The following TRPM3 variants were observed in gnomAD, a reference collection of about 807,000 sequenced individuals.
The protein encoded by TRPM3 is transient receptor potential cation channel subfamily M member 3, also known as long transient receptor potential channel 3.
A neutral mutation model predicts 181.2 loss-of-function variants in TRPM3; 77 were observed. That is an observed-to-expected ratio of 0.42 (90% CI 0.35 to 0.51). The LOEUF is 0.51. Ranked by LOEUF, TRPM3 falls within the 20% of genes least tolerant of loss-of-function variation. TRPM3 has a pLI of 0.01. For synonymous variants in TRPM3, 745 were observed against 796.4 expected, an observed-to-expected ratio of 0.94 and a Z score of 1.09; for missense variants, 1,759 against 2,196.7, an observed-to-expected ratio of 0.80 and a Z score of 3.98.
At chr9:70,590,506 T>C (rs934336835) in intron 22 of TRPM3, among the ~76,000 whole-genome samples, 1 of 152,236 alleles carries the variant, frequency 6.6e-6, no homozygotes, top group Non-Finnish European at 1.5e-5. Flanking sequence ...CAATAGCACA[T>C]AATTTAAGAC....
At chr9:71,329,865 T>G (rs562197869) in intron 1 of TRPM3, among the ~76,000 whole-genome samples, 1 of 152,262 alleles carries the variant, frequency 6.6e-6, no homozygotes, top group South Asian at 2.1e-4. Flanking sequence ...TGTGAGAGCA[T>G]CCAATAACTC....
chr9:71,252,324 A>G (rs2082396542), intron 1 of TRPM3, among the ~76,000 whole-genome samples: 1 of 152,150 alleles, frequency 6.6e-6, no homozygotes, highest in African/African-American at 2.4e-5. Context: ...AGGGTAACAC[A>G]GTGGTTTTTC....
At chr9:71,108,919 G>C (rs1299033205) in intron 1 of TRPM3, among the ~76,000 whole-genome samples, 7 of 152,168 alleles carry the variant, frequency 4.6e-5, no homozygotes, top group Non-Finnish European at 1.0e-4. Context: ...GTTTCTATGA[G>C]GGTATTTTTG....
At chr9:70,886,369 G>A (rs2096082577) in intron 1 of TRPM3, among the ~76,000 whole-genome samples, 1 of 152,168 alleles carries the variant, frequency 6.6e-6, no homozygotes, top group South Asian at 2.1e-4. Context: ...TTTAGGAGAT[G>A]CTCTATTATT....
intron 21 of TRPM3, among the ~76,000 whole-genome samples, chr9:70,592,096 C>T (rs1360307581): frequency 6.6e-6 from 1 of 152,160 alleles, no homozygotes; most frequent in Non-Finnish European, 1.5e-5. Context: ...AATTATTTTC[C>T]TTTTATCACT....
chr9:70,787,763 C>CTTTTTTTTTTTTTTTTTTTTTTTGATTT (rs2084154820), intron 6 of TRPM3, among the ~76,000 whole-genome samples: 4 of 68,558 alleles, frequency 5.8e-5, no homozygotes, highest in Non-Finnish European at 7.9e-5. Context: ...TTTTTGGATT[C>CTTTTTTTTTTTTTTTTTTTTTTTGATTT]TTTTTTTTTT....
intron 8 of TRPM3, among the ~76,000 whole-genome samples, chr9:70,693,513 A>T (rs2069203036): frequency 6.6e-6 from 1 of 152,158 alleles, no homozygotes; most frequent in Non-Finnish European, 1.5e-5. Context: ...TCATCATTAC[A>T]AGATGGAACT....
At chr9:70,778,663 C>G (rs2081925970) in intron 7 of TRPM3, among the ~76,000 whole-genome samples, 1 of 152,124 alleles carries the variant, frequency 6.6e-6, no homozygotes, top group African/African-American at 2.4e-5. Flanking sequence ...ATGAAGCCAG[C>G]ATGCTTGATA....
chr9:70,891,117 A>G (rs1450648729), intron 1 of TRPM3, among the ~76,000 whole-genome samples: 1 of 152,190 alleles, frequency 6.6e-6, no homozygotes, highest in African/African-American at 2.4e-5. Flanking sequence ...ACATGTATAC[A>G]TATGTAACAA....
chr9:70,639,835 C>T (rs1456879943), intron 10 of TRPM3, among the ~76,000 whole-genome samples: 1 of 152,162 alleles, frequency 6.6e-6, no homozygotes, highest in East Asian at 1.9e-4. Flanking sequence ...TAGCAATCCA[C>T]CAGCACTGAA....
intron 1 of TRPM3, among the ~76,000 whole-genome samples, chr9:71,105,627 G>C (rs1189202166): frequency 6.6e-6 from 1 of 152,148 alleles, no homozygotes; most frequent in Non-Finnish European, 1.5e-5. Flanking sequence ...TGGGGTGTAA[G>C]GGCCAGATAG....
chr9:71,388,425 A>G (rs1394260204), intron 1 of TRPM3, among the ~76,000 whole-genome samples: 5 of 152,192 alleles, frequency 3.3e-5, no homozygotes, highest in Admixed American at 6.5e-5. Context: ...CATTCCCCAC[A>G]AAACTTCTGA....
At position 70,532,199 on chromosome 9, in the gene TRPM3, A is replaced by G. The variant is rs1208258746; in HGVS notation, c.*3754T>C. ...ATCTTTAAAGAAATTAAACAGCCCA[A>G]ACATTCAGGAAGATTAGACTGTACA... On this transcript the variant is annotated 3_prime_UTR_variant, in exon 26 of 26. Coordinates refer to ENST00000677713, the MANE Select transcript of TRPM3 (RefSeq NM_001366145.2). The G allele has an allele frequency of 2.6e-5, 4 of 152,226 alleles. No homozygotes were observed. The highest frequency in any genetic ancestry group is 9.6e-5 in the African/African-American group (4 of 41,468). 9.4% of individuals were successfully genotyped at this position (152,226 alleles called of 1,614,324 possible).
At position 70,625,449 on chromosome 9, in the gene TRPM3, T is replaced by C. The variant is rs1188040099; in HGVS notation, c.1668+33A>G. On this transcript the variant is annotated intron_variant, in intron 13 of 25. Transcript: ENST00000677713. The surrounding 1 kb of genome is among the most constrained non-coding windows in gnomAD (Gnocchi z 4.8). ...AAAAAATAATGAAAAAAGAAACATA[T>C]GAATGTATTATTATGCTGGTTAATT... is the stretch of plus-strand genomic sequence containing the variant. 3 of 1,599,164 alleles carry C rather than the reference T, an allele frequency of 1.9e-6. No homozygotes were observed. The highest frequency in any genetic ancestry group is 1.1e-5 in the South Asian group (1 of 87,318).
chr9:70,793,466 AAAAAT>A lies in TRPM3; in HGVS notation c.974-9192_974-9188del, dbSNP rs1348174848. 32 of 110,864 alleles carry A rather than the reference AAAAAT, an allele frequency of 2.9e-4. No individual in the cohort carries two copies. In the East Asian group the frequency reaches 3.1e-3, roughly 11 times the overall value. The allele number at this position is 110,864 out of a possible 1,614,324, so 6.9% of individuals were successfully genotyped here. A position where few individuals can be genotyped will look rare whatever the true frequency, so the allele number is the denominator to read the frequency against. ...GTGAGGCTTTGTCTCAAAAAAAAAA[AAAAAT>A]ATATATATATATATATATATAAAAC... On this transcript the variant is annotated intron_variant, in intron 6 of 25. Coordinates refer to ENST00000677713, the MANE Select transcript of TRPM3 (RefSeq NM_001366145.2).
intron 9 of TRPM3, among the ~76,000 whole-genome samples, chr9:70,657,332 C>T (rs939107768): frequency 8.6e-5 from 13 of 150,350 alleles, no homozygotes; most frequent in African/African-American, 3.2e-4. Flanking sequence ...TTGCATCTCA[C>T]TATTTTTGCT....
At chr9:70,593,783 T>C (rs2058522562) in intron 21 of TRPM3, among the ~76,000 whole-genome samples, 1 of 150,946 alleles carries the variant, frequency 6.6e-6, no homozygotes, top group East Asian at 1.9e-4. Flanking sequence ...TTAAGAGAGC[T>C]GATCCTGTCC....
chr9:71,279,130 A>G (rs2084491541), intron 1 of TRPM3, among the ~76,000 whole-genome samples: 1 of 151,602 alleles, frequency 6.6e-6, no homozygotes, highest in African/African-American at 2.4e-5. Context: ...AATACCCCAT[A>G]GTGGAAATGA....
chr9:70,597,622 T>C (rs2132643677), intron 21 of TRPM3, among the ~76,000 whole-genome samples: 1 of 152,258 alleles, frequency 6.6e-6, no homozygotes, highest in South Asian at 2.1e-4. Context: ...ACGGAAAAAG[T>C]CTGGAAACTG....
Sources: allele counts gnomAD v4.1 joint callset (sites outside exome capture counted in the v4.1 genomes callset), GRCh38; gene constraint gnomAD v4.1.1; non-coding constraint Gnocchi (gnomAD v3.1); transcripts MANE v1.5; gene names NCBI Gene and HGNC (gene_info 2026-07-23, HGNC 2026-07-21).